BRD1: variants seen among roughly 807,000 people sequenced by gnomAD.
BRD1 encodes the protein bromodomain containing 1.
In BRD1, 24 loss-of-function variants were observed where a neutral mutation model predicts 107.7. The observed-to-expected ratio is 0.22, with a 90% confidence interval of 0.16 to 0.31. BRD1 has a LOEUF of 0.31. BRD1 is among the 10% of genes least tolerant of loss of function. The probability of loss-of-function intolerance (pLI) is 1.00; values close to 1 mark genes in which losing one functional copy is unlikely to be tolerated. For missense variants in BRD1, 1,279 were observed against 1,638.6 expected (o/e 0.78, Z 3.79); for synonymous variants, 744 against 686.1 (o/e 1.08, Z -1.32).
intron 2 of BRD1, among the ~76,000 whole-genome samples, chr22:49,810,827 T>C (rs1465157437): frequency 6.6e-6 from 1 of 152,198 alleles, no homozygotes; most frequent in African/African-American, 2.4e-5. Context: ...ACAGCTGCCT[T>C]GGAAAACAAT....
chr22:49,780,176 G>A (rs2059179060), intron 8 of BRD1, among the ~76,000 whole-genome samples: 1 of 152,178 alleles, frequency 6.6e-6, no homozygotes, highest in African/African-American at 2.4e-5. Context: ...AGCTGTGCCA[G>A]CACCAACACA....
At chr22:49,784,780 GGAT>G (rs1195805614) in intron 8 of BRD1, among the ~76,000 whole-genome samples, 1 of 152,214 alleles carries the variant, frequency 6.6e-6, no homozygotes, top group Non-Finnish European at 1.5e-5. Flanking sequence ...AAGCGAGGGC[GGAT>G]GGCGGGACTG....
intron 2 of BRD1, among the ~76,000 whole-genome samples, chr22:49,811,296 T>C (rs569245673): frequency 4.1e-4 from 63 of 152,022 alleles, no homozygotes; most frequent in African/African-American, 1.3e-3. Flanking sequence ...AGGGTTTCCT[T>C]TGGAGGTGAT....
chr22:49,795,218 C>T (rs2059508144), intron 6 of BRD1, among the ~76,000 whole-genome samples: 1 of 152,142 alleles, frequency 6.6e-6, no homozygotes, highest in Admixed American at 6.5e-5. Context: ...TCCTTTGAAA[C>T]CCCAAGAAGA....
chr22:49,822,021 T>G (rs1039842787), intron 2 of BRD1, among the ~76,000 whole-genome samples: 4 of 152,270 alleles, frequency 2.6e-5, no homozygotes, highest in Non-Finnish European at 5.9e-5. Context: ...GATGTCCCGA[T>G]GCCGGCAGTC....
At chr22:49,801,955 G>T (rs928304937) in intron 3 of BRD1, among the ~76,000 whole-genome samples, 1 of 152,180 alleles carries the variant, frequency 6.6e-6, no homozygotes, top group Non-Finnish European at 1.5e-5. Flanking sequence ...TAGAAATGAT[G>T]ATTCCCACCG....
chr22:49,799,256 C>G (rs2059595171), intron 3 of BRD1, 137 bp from the exon 4 acceptor site: 38 of 1,120,974 alleles, frequency 3.4e-5, no homozygotes, highest in Non-Finnish European at 4.6e-5. Flanking sequence ...GACAACAGAC[C>G]ACCCTCACTA....
rs922239241 is a variant in BRD1, at chr22:49,792,991, T to C, written c.2359+1043A>G. Among the ~76,000 whole-genome samples, 1 of 152,174 alleles carries C rather than the reference T, an allele frequency of 6.6e-6. No homozygotes were observed. Among genetic ancestry groups the C allele is most frequent in the African/African-American group, 2.4e-5 (1 of 41,436 alleles). The stretch of plus-strand genomic sequence containing the variant: ...CCATAAGAGATGAACGTCTTTGTTT[T>C]AAAAGAAAATTGTACAACAATTCTG... On this transcript the variant is annotated intron_variant, in intron 7 of 12. Coordinates refer to ENST00000404760, the MANE Select transcript of BRD1 (RefSeq NM_001304808.3). This position sits in a 1 kb window ranked among gnomAD's most constrained non-coding sequence, Gnocchi z 4.2.
At chr22:49,788,362 C>T (rs1387020971) in intron 7 of BRD1, among the ~76,000 whole-genome samples, 1 of 150,548 alleles carries the variant, frequency 6.6e-6, no homozygotes, top group Non-Finnish European at 1.5e-5. Flanking sequence ...AATGCAAAAA[C>T]AAACAAACAA....
intron 6 of BRD1, among the ~76,000 whole-genome samples, chr22:49,796,757 C>T (rs1393954935): frequency 6.6e-6 from 1 of 152,224 alleles, no homozygotes; most frequent in Admixed American, 6.5e-5. Flanking sequence ...GCACTGCTGC[C>T]ATGAGGGGAA....
intron 6 of BRD1, among the ~76,000 whole-genome samples, chr22:49,796,127 G>A (rs2059526489): frequency 6.8e-6 from 1 of 146,044 alleles, no homozygotes; most frequent in Non-Finnish European, 1.5e-5. Flanking sequence ...GTCTTGCTCT[G>A]TCGCCCAGGC....
In BRD1 at chr22:49,792,667, G is replaced by A. The variant is rs150834634; in HGVS notation, c.2359+1367C>T. Among the ~76,000 whole-genome samples, 17 of 152,308 alleles carry A rather than the reference G, an allele frequency of 1.1e-4. No homozygotes were observed. Among genetic ancestry groups the A allele is most frequent in the Admixed American group, 9.8e-4 (15 of 15,302 alleles). On this transcript the variant is annotated intron_variant, in intron 7 of 12. Transcript: ENST00000404760. The surrounding 1 kb of genome is among the most constrained non-coding windows in gnomAD (Gnocchi z 4.2). ...CCAAAAGAGACATTCTAGAGTCTGG[G>A]TACTATACTATGGTGAACTAAACAG...
chr22:49,787,487 C>T lies in BRD1; in HGVS notation c.2760G>A (p.Pro920=), dbSNP rs758875558. ...TTGGCTGCAGAAGAGTCTCCAACCT[C>T]GGAAGGACTACAGACAAAAAGGTTT... is the stretch of plus-strand genomic sequence containing the variant. ...GTKTFLSVVL[P]RLETLLQPRK... Residue 920 remains proline (P), a synonymous_variant, in exon 8 of 13, where the codon CCG becomes CCA. Coordinates refer to ENST00000404760, the MANE Select transcript of BRD1 (RefSeq NM_001304808.3). 1.7e-5 allele frequency: 28 copies of T among 1,614,108 alleles called. No homozygotes were observed. The South Asian group carries it at 2.9e-4, about 16-fold the overall frequency.
Position 49,823,672 on chromosome 22 carries a change from C to T in BRD1, c.646G>A (p.Val216Met). 4 of 1,613,048 alleles carry T rather than the reference C, an allele frequency of 2.5e-6. No individual in the cohort carries two copies. In the South Asian group the frequency reaches 3.3e-5, roughly 13 times the overall value. Residue 216 changes from valine (V) to methionine (M), a missense_variant, in exon 2 of 13, where the codon GTG (valine) becomes ATG (methionine). Physicochemically the swap from Val to Met is conservative, Grantham distance 21. Transcript: ENST00000404760. ...TCCCCGTCCATGCAGATGCAGCACA[C>T]GGCGTCCTCGTCGATCAGAGACTGC... is the stretch of plus-strand genomic sequence containing the variant. ...EQQSLIDEDA[V>M]CCICMDGECQ...
intron 3 of BRD1, among the ~76,000 whole-genome samples, chr22:49,800,564 C>G (rs1176294299): frequency 1.3e-5 from 2 of 152,326 alleles, no homozygotes; most frequent in African/African-American, 4.8e-5. Flanking sequence ...GAAATCTCCT[C>G]ATCACCAGGA....
chr22:49,822,883 T>C, intron 2 of BRD1, 68 bp downstream of exon 2: 1 of 1,547,300 alleles, frequency 6.5e-7, no homozygotes. Context: ...CCCTGCAGGC[T>C]GTGCCCACGT....
intron 4 of BRD1, 93 bp downstream of exon 4, chr22:49,798,895 C>T (rs1278967605): frequency 2.7e-6 from 4 of 1,496,338 alleles, no homozygotes; most frequent in East Asian, 4.7e-5. Flanking sequence ...CCAGGACCCA[C>T]CGGGTGCAGC....
At chr22:49,790,700 C>G (rs569212636) in intron 7 of BRD1, among the ~76,000 whole-genome samples, 2 of 152,226 alleles carry the variant, frequency 1.3e-5, no homozygotes, top group Non-Finnish European at 2.9e-5. Flanking sequence ...TTTCAGCTCA[C>G]GAGCAGCAAC....
Position 49,787,743 on chromosome 22 carries a change from T to C in BRD1, c.2504A>G (p.Asn835Ser), listed in dbSNP as rs1367962515. The C allele has an allele frequency of 1.3e-6, 2 of 1,550,874 alleles. No homozygotes were observed. The highest frequency in any genetic ancestry group is 1.7e-6 in the Non-Finnish European group (2 of 1,147,054). Residue 835 changes from asparagine to serine, a missense_variant, in exon 8 of 13, where the codon AAT becomes AGT. Physicochemically the swap from Asn to Ser is conservative, Grantham distance 46. Transcript: ENST00000404760. ...CTGAGTGCAAGCGCTATGTGATTCA[T>C]TATCAAATGTGACTCTTTTGAAAAG... ...SKLFKRVTFD[N>S]ESHSACTQSA...
Sources: allele counts gnomAD v4.1 joint callset (sites outside exome capture counted in the v4.1 genomes callset), GRCh38; gene constraint gnomAD v4.1.1; non-coding constraint Gnocchi (gnomAD v3.1); transcripts MANE v1.5; gene names NCBI Gene and HGNC (gene_info 2026-07-23, HGNC 2026-07-21).